The following SPTLC1 variants were observed in gnomAD, a reference collection of about 807,000 sequenced individuals.
SPTLC1 encodes the protein serine palmitoyltransferase 1.
A neutral mutation model predicts 68.9 loss-of-function variants in SPTLC1; 55 were observed. That is an observed-to-expected ratio of 0.80 (90% CI 0.64 to 1.00). The LOEUF is 1.00. Among genes scored for constraint, SPTLC1 ranks in the 50% least tolerant of loss-of-function variants. The pLI is 0.00. For missense variants in SPTLC1, 449 were observed against 573.1 expected (o/e 0.78, Z 2.21); for synonymous variants, 197 against 201.6 (o/e 0.98, Z 0.19).
At chr9:92,079,810 A>G in intron 5 of SPTLC1, 1 of 657,020 alleles carries the variant, frequency 1.5e-6, no homozygotes, top group East Asian at 2.7e-5. Flanking sequence ...TGAGCCCACC[A>G]TGCCCGGCTA....
intron 3 of SPTLC1, among the ~76,000 whole-genome samples, chr9:92,084,358 G>A (rs1448149855): frequency 3.9e-5 from 6 of 152,060 alleles, no homozygotes; most frequent in Non-Finnish European, 7.4e-5. Flanking sequence ...TGCCCATTCA[G>A]CATGATATTG....
rs765970732 is a variant in SPTLC1 at position 92,055,478 on chromosome 9, C to G, written c.707G>C (p.Arg236Pro). ...TACTACAATGAAACGCCGAGTTACA[C>G]GAGCCTTGCGAGGATTCTTTAAAAG... ...IEDQKNPRKA[R>P]VTRRFIVVEG... Residue 236 changes from arginine to proline, a missense_variant, in exon 8 of 15, where the codon CGT becomes CCT. Arg to Pro is a moderately radical substitution (Grantham distance 103). This residue lies in a region of SPTLC1 where 391 missense variants were observed against 472.1 expected (regional missense o/e 0.83). Transcript: ENST00000262554. 258 of 1,613,468 alleles carry G rather than the reference C, an allele frequency of 1.6e-4. No homozygotes were observed. Among genetic ancestry groups the G allele is most frequent in the Non-Finnish European group, 2.1e-4 (250 of 1,179,978 alleles).
chr9:92,112,397 A>G, intron 2 of SPTLC1, 58 bp downstream of exon 2: 1 of 1,227,214 alleles, frequency 8.1e-7, no homozygotes, highest in South Asian at 1.2e-5. Context: ...CCTTTCTGGA[A>G]AGACATAGCA....
chr9:92,059,786 C>G (rs1394473888), intron 6 of SPTLC1, among the ~76,000 whole-genome samples: 1 of 152,110 alleles, frequency 6.6e-6, no homozygotes, highest in Non-Finnish European at 1.5e-5. Context: ...ATGAGGGGTA[C>G]CCAGCCCCAT....
At chr9:92,079,207 C>T in intron 5 of SPTLC1, 1 of 380,230 alleles carries the variant, frequency 2.6e-6, no homozygotes, top group Non-Finnish European at 4.2e-6. Context: ...TCCCACGTAG[C>T]TGGGATTACA....
At chr9:92,083,284 C>A (rs1471838947) in intron 3 of SPTLC1, among the ~76,000 whole-genome samples, 1 of 152,190 alleles carries the variant, frequency 6.6e-6, no homozygotes, top group Non-Finnish European at 1.5e-5. Context: ...GTTGCCATTA[C>A]TTTTGGTGTT....
chr9:92,085,969 T>C (rs1337867142), intron 3 of SPTLC1, among the ~76,000 whole-genome samples: 1 of 151,996 alleles, frequency 6.6e-6, no homozygotes, highest in Non-Finnish European at 1.5e-5. Context: ...GCTCTTCTTG[T>C]TGAATTGATC....
At chr9:92,082,847 G>T (rs999999391) in intron 3 of SPTLC1, among the ~76,000 whole-genome samples, 19 of 151,140 alleles carry the variant, frequency 1.3e-4, no homozygotes, top group African/African-American at 4.6e-4. Context: ...CTAGTTTACA[G>T]TCCCACCAAC....
intron 5 of SPTLC1, among the ~76,000 whole-genome samples, chr9:92,073,386 C>T (rs531782422): frequency 2.6e-5 from 4 of 152,350 alleles, no homozygotes; most frequent in Admixed American, 6.5e-5. Context: ...GGGCAGTACC[C>T]GTGAAGGCCC....
rs1833653522 is a variant in SPTLC1 at position 92,050,012 on chromosome 9, A to C, written c.836T>G (p.Phe279Cys). 1 of 1,614,088 alleles carries C rather than the reference A, an allele frequency of 6.2e-7. No homozygotes were observed. The highest frequency in any genetic ancestry group is 8.5e-7 in the Non-Finnish European group (1 of 1,179,920). ...ARIFLEESLS[F>C]GVLGEHGRGV... ...TCGGCCATGCTCTCCTAGGACTCCAAATGAAAGGCTTTCCTCCAGGAAGAT... is the reference window on the plus strand; with the variant it reads ...TCGGCCATGCTCTCCTAGGACTCCACATGAAAGGCTTTCCTCCAGGAAGAT... Residue 279 changes from phenylalanine to cysteine, a missense_variant, in exon 9 of 15, where the codon TTT becomes TGT. Around this residue, in one of 3 missense-constraint regions of SPTLC1, gnomAD observed 391 missense variants for 472.1 expected, o/e 0.83. Coordinates refer to ENST00000262554, the MANE Select transcript of SPTLC1 (RefSeq NM_006415.4).
chr9:92,111,323 C>T (rs545136269), intron 2 of SPTLC1: 26 of 152,272 alleles, frequency 1.7e-4, no homozygotes, highest in African/African-American at 6.0e-4. Flanking sequence ...CTAGTAGGAT[C>T]CCTTCCCTTA....
At chr9:92,079,953 G>A (rs1834820586) in intron 5 of SPTLC1, 63 bp downstream of exon 5, 3 of 1,418,098 alleles carry the variant, frequency 2.1e-6, no homozygotes, top group Middle Eastern at 3.5e-4. Flanking sequence ...ACCATGCCCA[G>A]CCTAAAATTG....
At chr9:92,081,045 A>C in intron 3 of SPTLC1, 82 bp from the exon 4 acceptor site, 8 of 1,048,982 alleles carry the variant, frequency 7.6e-6, no homozygotes, top group Non-Finnish European at 1.2e-5. Flanking sequence ...AGGCACAACA[A>C]CATAGTGTTG....
chr9:92,044,972 T>C (rs1272123177), intron 12 of SPTLC1, among the ~76,000 whole-genome samples: 2 of 152,236 alleles, frequency 1.3e-5, no homozygotes, highest in African/African-American at 4.8e-5. Context: ...AGGCTAGCAC[T>C]GATGCATTTC....
At chr9:92,100,307 G>A (rs1835701169) in intron 3 of SPTLC1, among the ~76,000 whole-genome samples, 1 of 152,128 alleles carries the variant, frequency 6.6e-6, no homozygotes, top group African/African-American at 2.4e-5. Context: ...CCCAGAGAAG[G>A]AGCCCACATA....
chr9:92,108,666 A>T, intron 3 of SPTLC1, 74 bp downstream of exon 3: 2 of 1,585,474 alleles, frequency 1.3e-6, no homozygotes, highest in African/African-American at 2.7e-5. Flanking sequence ...GGACTACTAC[A>T]TATAAAGCAC....
At chr9:92,111,170 T>C (rs1008755459) in intron 2 of SPTLC1, 4 of 152,198 alleles carry the variant, frequency 2.6e-5, no homozygotes, top group African/African-American at 9.7e-5. Context: ...CCTACAACTT[T>C]TTTAAATTAC....
chr9:92,037,724 A>C (rs1396901193), intron 13 of SPTLC1, among the ~76,000 whole-genome samples: 5 of 152,182 alleles, frequency 3.3e-5, no homozygotes, highest in Non-Finnish European at 7.3e-5. Context: ...AAGAAATTTA[A>C]ATAAATCTCC....
chr9:92,074,352 C>G (rs1834601811), intron 5 of SPTLC1, among the ~76,000 whole-genome samples: 1 of 152,102 alleles, frequency 6.6e-6, no homozygotes, highest in African/African-American at 2.4e-5. Flanking sequence ...CTAGTTATCC[C>G]CACCTGCCCA....
Sources: gnomAD v4.1 joint callset for allele counts (sites outside exome capture counted in the v4.1 genomes callset) on GRCh38, gnomAD v4.1.1 for gene constraint, gnomAD v4.1.1 regional missense constraint, MANE v1.5 for transcripts, NCBI Gene and HGNC (gene_info 2026-07-23, HGNC 2026-07-21) for gene names.